SUPT5H: variants seen among roughly 807,000 people sequenced by gnomAD.
SUPT5H encodes transcription elongation factor SPT5.
Under a neutral mutation model 142.5 loss-of-function variants are expected in SUPT5H, and 24 were observed. The observed-to-expected ratio is 0.17, with a 90% CI of 0.12 to 0.24. SUPT5H has a LOEUF of 0.24. Among genes scored for constraint, SUPT5H ranks in the 10% least tolerant of loss-of-function variants. The pLI is 1.00. For missense variants in SUPT5H, 893 were observed against 1,471.8 expected, an observed-to-expected ratio of 0.61 and a Z score of 6.43; for synonymous variants, 546 against 553.0, an observed-to-expected ratio of 0.99 and a Z score of 0.18.
rs987534495 is a variant in SUPT5H, at chr19:39,466,821, C to T, written c.1037+76C>T. The T allele has an allele frequency of 3.5e-6, 5 of 1,448,200 alleles. No homozygotes were observed. In the African/African-American group the frequency reaches 5.6e-5, roughly 16 times the overall value. The allele number at this position is 1,448,200 out of a possible 1,614,324, so 89.7% of individuals were successfully genotyped here. On this transcript the variant is annotated intron_variant, in intron 13 of 29. Transcript: ENST00000432763. This position sits in a 1 kb window ranked among gnomAD's most constrained non-coding sequence, Gnocchi z 4.3. ...GAATGTGCCTTTTGCAGGTTCCTCC[C>T]CAGGGGTGGCCCCGCCACAGGTTTA...
intron 3 of SUPT5H, among the ~76,000 whole-genome samples, chr19:39,454,662 T>C (rs1370880157): frequency 6.6e-6 from 1 of 152,158 alleles, no homozygotes; most frequent in Non-Finnish European, 1.5e-5. Context: ...AAAAAAGATT[T>C]TTTATATTTA....
In SUPT5H at chr19:39,473,948, CTT is replaced by C. The variant is rs2079363165; in HGVS notation, c.2493-12_2493-11del. The C allele has an allele frequency of 6.2e-7, 1 of 1,613,760 alleles. No homozygotes were observed. Among genetic ancestry groups the C allele is most frequent in the Non-Finnish European group, 8.5e-7 (1 of 1,179,934 alleles). On this transcript the variant is annotated splice_polypyrimidine_tract_variant and intron_variant, in intron 25 of 29. Transcript: ENST00000432763. The surrounding 1 kb of genome is among the most constrained non-coding windows in gnomAD (Gnocchi z 5.8). ...TATCACCACAGTCGCTGTCAACAGA[CTT>C]TTCTCCCAACAGGGCTGAGGAAGAA...
chr19:39,449,444 GTCT>G (rs1357078461), intron 2 of SUPT5H, among the ~76,000 whole-genome samples: 1 of 152,186 alleles, frequency 6.6e-6, no homozygotes. Context: ...TATTTCTGAA[GTCT>G]TCTGTGCTTG....
At position 39,466,428 on chromosome 19, in the gene SUPT5H, G is replaced by C; in HGVS notation, c.877-52G>C. 6.6e-7 allele frequency: 1 copy of C among 1,511,462 alleles called. No individual in the cohort carries two copies. The highest frequency in any genetic ancestry group is 9.2e-7 in the Non-Finnish European group (1 of 1,088,266). 93.6% of individuals were successfully genotyped at this position (1,511,462 alleles called of 1,614,324 possible). ...GCATCTCCTGACCCTTCTTGTGTCT[G>C]GGGTCAGGGAGGAGAGTGGGGCCCT... On this transcript the variant is annotated intron_variant, in intron 11 of 29. Transcript: ENST00000432763. This position sits in a 1 kb window ranked among gnomAD's most constrained non-coding sequence, Gnocchi z 4.3.
chr19:39,476,224 A>G, intron 29 of SUPT5H, 32 bp from the exon 30 acceptor site: 1 of 1,614,104 alleles, frequency 6.2e-7, no homozygotes, highest in Non-Finnish European at 8.5e-7. Context: ...GGGTGCTGAC[A>G]TGGACCCTGA....
intron 2 of SUPT5H, among the ~76,000 whole-genome samples, chr19:39,450,187 C>T (rs2079003215): frequency 6.6e-6 from 1 of 152,136 alleles, no homozygotes; most frequent in African/African-American, 2.4e-5. Context: ...GATCCTTCTA[C>T]CTTGGCCTCC....
intron 2 of SUPT5H, among the ~76,000 whole-genome samples, chr19:39,447,496 G>C (rs1237667563): frequency 1.4e-5 from 2 of 143,580 alleles, no homozygotes; most frequent in Non-Finnish European, 3.0e-5. Context: ...GGTTGCACAG[G>C]TTGGAGTGCA....
intron 13 of SUPT5H, chr19:39,467,012 G>C (rs1170016622): frequency 4.6e-6 from 2 of 436,222 alleles, no homozygotes; most frequent in Non-Finnish European, 8.2e-6. Flanking sequence ...TTCGAGACCA[G>C]CCTGGGCAAC....
rs147533563 is a variant in SUPT5H at position 39,460,583 on chromosome 19, C to G, written c.624+623C>G. ...TGAAACCCCGTCTCTACTAAAAATA[C>G]AAAACTCAGCTGGGCGTGGTGGTGC... On this transcript the variant is annotated intron_variant, in intron 10 of 29. Coordinates refer to ENST00000432763, the MANE Select transcript of SUPT5H (RefSeq NM_001111020.3). Among the ~76,000 whole-genome samples the G allele has an allele frequency of 1.5e-3, 229 of 152,220 alleles. 2 individuals are homozygous for G. Among genetic ancestry groups the G allele is most frequent in the African/African-American group, 5.3e-3 (222 of 41,534 alleles).
At chr19:39,475,975 C>A in intron 28 of SUPT5H, 106 bp from the exon 29 acceptor site, 1 of 1,070,322 alleles carries the variant, frequency 9.3e-7, no homozygotes, top group Non-Finnish European at 1.4e-6. Flanking sequence ...GCCCCCATTT[C>A]ACCTTGAGTT....
At position 39,471,408 on chromosome 19, in the gene SUPT5H, C is replaced by A. The variant is rs564362099; in HGVS notation, c.1729C>A (p.Arg577=). The A allele has an allele frequency of 6.2e-7, 1 of 1,614,190 alleles. No homozygotes were observed. Among genetic ancestry groups the A allele is most frequent in the African/African-American group, 1.3e-5 (1 of 75,050 alleles). ...VVTVRHQAVT[R]KKDNRFAVAL... ...GACTGTCAGACATCAGGCTGTGACC[C>A]GGAAGAAGGACAACCGCTTTGCTGT... The change falls in exon 19 of 30, where the codon CGG becomes AGG. Residue 577 remains arginine (R), a synonymous_variant. Coordinates refer to ENST00000432763, the MANE Select transcript of SUPT5H (RefSeq NM_001111020.3).
At chr19:39,459,154 A>G (rs778714314) in intron 7 of SUPT5H, 30 bp from the exon 8 acceptor site, 1 of 1,608,844 alleles carries the variant, frequency 6.2e-7, no homozygotes. Context: ...ACAGAGCTTC[A>G]CCCCTTCCTG....
At chr19:39,463,538 GA>G (rs1306468303) in intron 10 of SUPT5H, among the ~76,000 whole-genome samples, 6 of 152,128 alleles carry the variant, frequency 3.9e-5, no homozygotes, top group Admixed American at 3.9e-4. Context: ...GTTTATTCTG[GA>G]AAGTTTAATA....
At position 39,449,012 on chromosome 19, in the gene SUPT5H, C is replaced by T. The variant is rs567851169; in HGVS notation, c.75+3047C>T. 2.1e-5 allele frequency among the ~76,000 whole-genome samples: 3 copies of T among 141,634 alleles called. 1 individual carries two copies. Among genetic ancestry groups the T allele is most frequent in the Middle Eastern group, 6.8e-3 (2 of 296 alleles). 92.9% of individuals were successfully genotyped at this position (141,634 alleles called of 152,430 possible). A position where few individuals can be genotyped will look rare whatever the true frequency, so the allele number is the denominator to read the frequency against. The stretch of plus-strand genomic sequence containing the variant: ...GGCTGAGGCAGGAGAATGGCGTGAA[C>T]GCAGGAGACAGAGCTTGCAGTGAGC... On this transcript the variant is annotated intron_variant, in intron 2 of 29. Transcript: ENST00000432763.
intron 28 of SUPT5H, chr19:39,475,782 G>A (rs548743120): frequency 7.7e-6 from 3 of 388,724 alleles, no homozygotes; most frequent in Admixed American, 4.1e-5. Context: ...CCAGGTCCAG[G>A]AAGAGGAGCA....
In SUPT5H at chr19:39,472,938, C is replaced by CGAGGCCTGTG; in HGVS notation, c.2155+18_2155+27dup. On this transcript the variant is annotated intron_variant, in intron 22 of 29. Transcript: ENST00000432763. This position sits in a 1 kb window ranked among gnomAD's most constrained non-coding sequence, Gnocchi z 4.2. ...CCAGGGGCCCTACAAAGGTGACCTG[C>CGAGGCCTGTG]GAGGCCTGTGGAGGCCTGGGGAGGG... 6.2e-7 allele frequency: 1 copy of CGAGGCCTGTG among 1,612,330 alleles called. No individual in the cohort carries two copies. The highest frequency in any genetic ancestry group is 8.5e-7 in the Non-Finnish European group (1 of 1,178,854).
chr19:39,473,512 C>T lies in SUPT5H; in HGVS notation c.2483C>T (p.Thr828Met), dbSNP rs761525742. 1.1e-5 allele frequency: 18 copies of T among 1,610,222 alleles called. No homozygotes were observed. Among genetic ancestry groups the T allele is most frequent in the South Asian group, 3.3e-5 (3 of 91,072 alleles). The change falls in exon 25 of 30, where the codon ACG becomes ATG. Residue 828 changes from threonine to methionine, a missense_variant. Around this residue, in one of 6 missense-constraint regions of SUPT5H, gnomAD observed 336 missense variants for 546.5 expected, o/e 0.61. Transcript: ENST00000432763. The surrounding 1 kb of genome is among the most constrained non-coding windows in gnomAD (Gnocchi z 5.8). ...GCCTGGGACCCCAACAACCCCAACA[C>T]GCCGTCACGGTGAGTCCAGGGTTCC... ...SGAWDPNNPN[T>M]PSRAEEEYEY... is the part of the protein sequence containing the mutation.
Position 39,474,129 on chromosome 19 carries a change from C to T in SUPT5H, c.2651+8C>T. On this transcript the variant is annotated splice_region_variant and intron_variant, in intron 26 of 29. Transcript: ENST00000432763. The surrounding 1 kb of genome is among the most constrained non-coding windows in gnomAD (Gnocchi z 6.5). The stretch of plus-strand genomic sequence containing the variant: ...GCCAGGGACGCCGGCCATGTGAGTC[C>T]ACTGGGGCCTGCCCTCGTCTACCCC... The T allele has an allele frequency of 6.2e-7, 1 of 1,601,870 alleles. No homozygotes were observed. Among genetic ancestry groups the T allele is most frequent in the Non-Finnish European group, 8.5e-7 (1 of 1,173,116 alleles).
Position 39,469,446 on chromosome 19 carries a change from C to G in SUPT5H, c.1374+48C>G. ...CAGGGGTTGGAGTGTTCAGGCACAT[C>G]TGACTGTATGTGGCTGTCGAGGCGG... is the stretch of plus-strand genomic sequence containing the variant. On this transcript the variant is annotated intron_variant, in intron 16 of 29. Coordinates refer to ENST00000432763, the MANE Select transcript of SUPT5H (RefSeq NM_001111020.3). This position sits in a 1 kb window ranked among gnomAD's most constrained non-coding sequence, Gnocchi z 5.1. 6.2e-7 allele frequency: 1 copy of G among 1,612,806 alleles called. No homozygotes were observed. Among genetic ancestry groups the G allele is most frequent in the Non-Finnish European group, 8.5e-7 (1 of 1,179,112 alleles).
Sources: gnomAD v4.1 joint callset for allele counts (sites outside exome capture counted in the v4.1 genomes callset) on GRCh38, gnomAD v4.1.1 for gene constraint, gnomAD v4.1.1 regional missense constraint, Gnocchi (gnomAD v3.1) non-coding constraint, MANE v1.5 for transcripts, NCBI Gene and HGNC (gene_info 2026-07-23, HGNC 2026-07-21) for gene names.